THSD7A: variants seen among roughly 807,000 people sequenced by gnomAD.
The protein encoded by THSD7A is thrombospondin type 1 domain containing 7A, also known as thrombospondin type-1 domain-containing protein 7A.
A neutral mutation model predicts 231.3 loss-of-function variants in THSD7A; 96 were observed. That is an observed-to-expected ratio of 0.41 (90% CI 0.35 to 0.49). The LOEUF is 0.49. THSD7A is among the 20% of genes least tolerant of loss of function. The probability of loss-of-function intolerance (pLI) is 0.05; values close to 1 mark genes in which losing one functional copy is unlikely to be tolerated. For synonymous variants in THSD7A, 940 were observed against 743.3 expected (o/e 1.26, Z -4.30); for missense variants, 2,290 against 2,070.2 (o/e 1.11, Z -2.06).
chr7:11,388,441 T>G (rs879100028), intron 23 of THSD7A, among the ~76,000 whole-genome samples: 1 of 152,226 alleles, frequency 6.6e-6, no homozygotes, highest in Admixed American at 6.5e-5. Context: ...GTCCAGGAAT[T>G]TATCCATTTC....
chr7:11,743,637 TG>T, intron 1 of THSD7A, among the ~76,000 whole-genome samples: 2 of 151,956 alleles, frequency 1.3e-5, no homozygotes, highest in Middle Eastern at 6.8e-3. Flanking sequence ...CCAGGTCACA[TG>T]GGGACTGAGT....
At chr7:11,419,289 G>T (rs150953976) in intron 16 of THSD7A, among the ~76,000 whole-genome samples, 1 of 152,154 alleles carries the variant, frequency 6.6e-6, no homozygotes, top group Non-Finnish European at 1.5e-5. Context: ...CTGGTGGGAG[G>T]TCACTGGATC....
At chr7:11,753,819 A>T (rs1271960013) in intron 1 of THSD7A, among the ~76,000 whole-genome samples, 2 of 152,018 alleles carry the variant, frequency 1.3e-5, no homozygotes, top group African/African-American at 4.8e-5. Context: ...AGAGAGAAAC[A>T]TAAATTACCA....
At chr7:11,700,626 C>T in intron 1 of THSD7A, among the ~76,000 whole-genome samples, 1 of 150,868 alleles carries the variant, frequency 6.6e-6, no homozygotes, top group Non-Finnish European at 1.5e-5. Context: ...ACATATAGTC[C>T]CTTCTGAAAG....
chr7:11,704,894 A>G (rs1338410596), intron 1 of THSD7A, among the ~76,000 whole-genome samples: 1 of 151,084 alleles, frequency 6.6e-6, no homozygotes, highest in African/African-American at 2.4e-5. Context: ...ATAATTTAAC[A>G]TACATCATTT....
chr7:11,443,695 T>G lies in THSD7A; in HGVS notation c.3064+2366A>C, dbSNP rs545124128. On this transcript the variant is annotated intron_variant, in intron 13 of 27. Transcript: ENST00000423059. ...GAGATTGATTGCCCAACAACGTGAA[T>G]GTACTTAACACTACTGAACACACTT... 6.6e-5 allele frequency among the ~76,000 whole-genome samples: 10 copies of G among 152,148 alleles called. No individual in the cohort carries two copies. In the East Asian group the frequency reaches 1.9e-3, roughly 29 times the overall value.
intron 4 of THSD7A, among the ~76,000 whole-genome samples, chr7:11,582,308 T>C (rs997823451): frequency 6.6e-6 from 1 of 151,844 alleles, no homozygotes; most frequent in Admixed American, 6.6e-5. Context: ...AACCAAAATA[T>C]GTATTATTAC....
At chr7:11,728,052 C>T (rs1440469618) in intron 1 of THSD7A, among the ~76,000 whole-genome samples, 2 of 151,992 alleles carry the variant, frequency 1.3e-5, no homozygotes, top group Admixed American at 1.3e-4. Flanking sequence ...AAGGGACCAG[C>T]AGTCTCAGAA....
intron 1 of THSD7A, among the ~76,000 whole-genome samples, chr7:11,656,382 T>C (rs1249694446): frequency 6.6e-6 from 1 of 151,882 alleles, no homozygotes; most frequent in Admixed American, 6.6e-5. Context: ...CACTACCAAA[T>C]GCTCATTGTC....
At chr7:11,455,088 C>G (rs1280841847) in intron 11 of THSD7A, among the ~76,000 whole-genome samples, 1 of 151,870 alleles carries the variant, frequency 6.6e-6, no homozygotes, top group African/African-American at 2.4e-5. Context: ...AGTGCACTTT[C>G]TCTCTCTGTC....
Position 11,701,295 on chromosome 7 carries a change from A to G in THSD7A, c.191-64334T>C, listed in dbSNP as rs111886591. On this transcript the variant is annotated intron_variant, in intron 1 of 27. Transcript: ENST00000423059. The stretch of plus-strand genomic sequence containing the variant: ...ATACAATTCATTTTATATACAATTC[A>G]TTTGAAACAACACACATATTTCCAA... Among the ~76,000 whole-genome samples, 63 of 151,340 alleles carry G rather than the reference A, an allele frequency of 4.2e-4. 1 individual carries two copies. The highest frequency in any genetic ancestry group is 1.4e-3 in the African/African-American group (59 of 41,436).
intron 6 of THSD7A, among the ~76,000 whole-genome samples, chr7:11,531,006 G>C (rs1788687696): frequency 6.6e-6 from 1 of 152,124 alleles, no homozygotes; most frequent in Non-Finnish European, 1.5e-5. Flanking sequence ...CCAAGACTCT[G>C]TCACAAAAAC....
chr7:11,452,645 A>G (rs1785181710), intron 11 of THSD7A, among the ~76,000 whole-genome samples: 1 of 151,976 alleles, frequency 6.6e-6, no homozygotes, highest in African/African-American at 2.4e-5. Context: ...GGGAAGGGTT[A>G]ACTGCATCAG....
chr7:11,598,897 G>T (rs1780458162), intron 2 of THSD7A, among the ~76,000 whole-genome samples: 1 of 152,114 alleles, frequency 6.6e-6, no homozygotes, highest in African/African-American at 2.4e-5. Context: ...CCATTAAACT[G>T]GAAGTTAAGG....
intron 4 of THSD7A, among the ~76,000 whole-genome samples, chr7:11,589,499 T>A (rs548703858): frequency 1.3e-5 from 2 of 152,228 alleles, no homozygotes; most frequent in African/African-American, 4.8e-5. Context: ...CTTACGCTCA[T>A]TCTGAAACTT....
In THSD7A at chr7:11,599,132, G is replaced by A. The variant is rs115592519; in HGVS notation, c.1023-5630C>T. Among the ~76,000 whole-genome samples, 610 of 152,122 alleles carry A rather than the reference G, an allele frequency of 4.0e-3. 1 individual carries two copies. Among genetic ancestry groups the A allele is most frequent in the African/African-American group, 0.014 (586 of 41,502 alleles). ...AGGTCAATAGGAAGGAAAGTGGATAGGATAAGGAAAAGTATGCATGGAATA... is the reference window on the plus strand; with the variant it reads ...AGGTCAATAGGAAGGAAAGTGGATAAGATAAGGAAAAGTATGCATGGAATA... On this transcript the variant is annotated intron_variant, in intron 2 of 27. Coordinates refer to ENST00000423059, the MANE Select transcript of THSD7A (RefSeq NM_015204.3).
At chr7:11,520,383 T>A (rs903781432) in intron 6 of THSD7A, among the ~76,000 whole-genome samples, 1 of 152,182 alleles carries the variant, frequency 6.6e-6, no homozygotes, top group Admixed American at 6.5e-5. Flanking sequence ...ACACATAATA[T>A]TGGCTTAAAT....
chr7:11,691,593 A>G (rs1473448441), intron 1 of THSD7A, among the ~76,000 whole-genome samples: 1 of 151,414 alleles, frequency 6.6e-6, no homozygotes, highest in Non-Finnish European at 1.5e-5. Context: ...TATAATATCT[A>G]TATATAATCC....
At chr7:11,511,410 C>T (rs1787803946) in intron 6 of THSD7A, among the ~76,000 whole-genome samples, 1 of 152,190 alleles carries the variant, frequency 6.6e-6, no homozygotes, top group Non-Finnish European at 1.5e-5. Flanking sequence ...CAATGACTTT[C>T]TTCACAGAAT....
Sources: allele counts gnomAD v4.1 joint callset (sites outside exome capture counted in the v4.1 genomes callset), GRCh38; gene constraint gnomAD v4.1.1; transcripts MANE v1.5; gene names NCBI Gene and HGNC (gene_info 2026-07-23, HGNC 2026-07-21).